Variants in PRDM6 observed in about 807,000 individuals in gnomAD.
PRDM6 encodes PR/SET domain 6, also known as putative histone-lysine N-methyltransferase PRDM6.
Under a neutral mutation model 60.8 loss-of-function variants are expected in PRDM6, and 25 were observed. That is an observed-to-expected ratio of 0.41 (90% CI 0.30 to 0.57). The LOEUF (loss-of-function observed/expected upper bound fraction) is 0.57. PRDM6 is among the 20% of genes least tolerant of loss of function. The pLI, the probability that PRDM6 is intolerant of heterozygous loss-of-function variation, is 0.27. For synonymous variants in PRDM6, 407 were observed against 357.4 expected (o/e 1.14, Z -1.57); for missense variants, 839 against 821.3 (o/e 1.02, Z -0.26).
chr5:123,092,418 C>T (rs528834890), intron 2 of PRDM6, among the ~76,000 whole-genome samples: 1 of 152,258 alleles, frequency 6.6e-6, no homozygotes, highest in African/African-American at 2.4e-5. Flanking sequence ...AAATCCCTGG[C>T]TGTGTGCTGA....
chr5:123,095,851 A>G (rs1043324653), intron 2 of PRDM6, among the ~76,000 whole-genome samples: 6 of 152,224 alleles, frequency 3.9e-5, no homozygotes, highest in African/African-American at 7.2e-5. Context: ...AGCGTTTTAT[A>G]TTTCACCTTT....
chr5:123,093,350 G>T (rs1343193359), intron 2 of PRDM6, among the ~76,000 whole-genome samples: 1 of 152,146 alleles, frequency 6.6e-6, no homozygotes, highest in Non-Finnish European at 1.5e-5. Flanking sequence ...TCATTGCTCT[G>T]TAAGAAAAGA....
At chr5:123,168,608 C>T (rs1391722612) in intron 5 of PRDM6, among the ~76,000 whole-genome samples, 1 of 152,108 alleles carries the variant, frequency 6.6e-6, no homozygotes, top group Non-Finnish European at 1.5e-5. Flanking sequence ...ATGCCCAGGC[C>T]CTATGGAGAG....
intron 3 of PRDM6, among the ~76,000 whole-genome samples, chr5:123,148,866 T>G (rs192542437): frequency 2.6e-5 from 4 of 152,290 alleles, no homozygotes; most frequent in Admixed American, 2.6e-4. Flanking sequence ...TAGGATGTGA[T>G]GAAAAAAGCA....
chr5:123,134,997 T>TAAAAAAA (rs113763871), intron 3 of PRDM6, among the ~76,000 whole-genome samples: 15 of 148,154 alleles, frequency 1.0e-4, no homozygotes, highest in Admixed American at 8.0e-4. Flanking sequence ...AAAGTATTCT[T>TAAAAAAA]AAAAAAAAAA....
chr5:123,099,953 C>T lies in PRDM6; in HGVS notation c.892C>T (p.Leu298Phe), dbSNP rs1194245675. 1 of 1,516,708 alleles carries T rather than the reference C, an allele frequency of 6.6e-7. No individual in the cohort carries two copies. Among genetic ancestry groups the T allele is most frequent in the Admixed American group, 2.0e-5 (1 of 49,006 alleles). The allele number at this position is 1,516,708 out of a possible 1,614,324, so 94.0% of individuals were successfully genotyped here. ...QAGAVRNTQH[L>F]WEIYDQDGTL... ...AGGCGCCGTGAGGAACACGCAGCAT[C>T]TCTGGGAGGTAAGTGGCCGGCTGCA... Residue 298 changes from leucine to phenylalanine, a missense_variant, in exon 3 of 8, where the codon CTC (leucine) becomes TTC (phenylalanine). Around this residue, in one of 2 missense-constraint regions of PRDM6, gnomAD observed 730 missense variants for 648.8 expected, o/e 1.13. Transcript: ENST00000407847. The surrounding 1 kb of genome is among the most constrained non-coding windows in gnomAD (Gnocchi z 4.0).
At chr5:123,177,233 C>T (rs893976795) in intron 6 of PRDM6, among the ~76,000 whole-genome samples, 3 of 152,110 alleles carry the variant, frequency 2.0e-5, no homozygotes, top group East Asian at 1.9e-4. Flanking sequence ...TTCTTTTATT[C>T]ATATTTTAAG....
chr5:123,128,246 T>C (rs1008292589), intron 3 of PRDM6, among the ~76,000 whole-genome samples: 1 of 152,238 alleles, frequency 6.6e-6, no homozygotes, highest in African/African-American at 2.4e-5. Flanking sequence ...CATGTGTCTT[T>C]ATAGTAGCAT....
intron 7 of PRDM6, among the ~76,000 whole-genome samples, chr5:123,183,572 C>T (rs999259255): frequency 6.6e-6 from 1 of 152,110 alleles, no homozygotes; most frequent in African/African-American, 2.4e-5. Flanking sequence ...AGGCCGTAGA[C>T]TTAGGATTTC....
At chr5:123,100,834 A>G (rs1764086694) in intron 3 of PRDM6, among the ~76,000 whole-genome samples, 1 of 152,244 alleles carries the variant, frequency 6.6e-6, no homozygotes, top group East Asian at 1.9e-4. Context: ...GATGCCTATC[A>G]TTAGGTCATC....
rs1763742450 is a variant in PRDM6 at position 123,089,278 on chromosome 5, G to A, written c.-257G>A. The A allele has an allele frequency of 6.5e-6, 1 of 152,858 alleles. No homozygotes were observed. The highest frequency in any genetic ancestry group is 2.4e-5 in the African/African-American group (1 of 41,428). 9.5% of individuals were successfully genotyped at this position (152,858 alleles called of 1,614,324 possible). ...AACCAAGGAGCCAGGACGCGGCAGCGGCCAAGCGCAGCAGCCCACGGCGGT... is the reference window on the plus strand; with the variant it reads ...AACCAAGGAGCCAGGACGCGGCAGCAGCCAAGCGCAGCAGCCCACGGCGGT... On this transcript the variant is annotated 5_prime_UTR_variant, in exon 1 of 8. Transcript: ENST00000407847.
intron 6 of PRDM6, among the ~76,000 whole-genome samples, chr5:123,176,245 C>A (rs924044961): frequency 8.1e-6 from 1 of 123,870 alleles, no homozygotes; most frequent in Non-Finnish European, 1.6e-5. Flanking sequence ...CGTCATTAGA[C>A]AACACTACTA....
chr5:123,161,954 G>A (rs1337721512), intron 5 of PRDM6, among the ~76,000 whole-genome samples: 1 of 152,220 alleles, frequency 6.6e-6, no homozygotes, highest in Non-Finnish European at 1.5e-5. Context: ...GTTTGGACTA[G>A]TATGGAAGTG....
At chr5:123,177,290 A>G (rs2126888300) in intron 6 of PRDM6, among the ~76,000 whole-genome samples, 1 of 152,336 alleles carries the variant, frequency 6.6e-6, no homozygotes, top group Non-Finnish European at 1.5e-5. Context: ...AATCTTGTCT[A>G]CTTACAGTGT....
At chr5:123,118,512 G>A (rs186552112) in intron 3 of PRDM6, among the ~76,000 whole-genome samples, 98 of 152,308 alleles carry the variant, frequency 6.4e-4, no homozygotes, top group Non-Finnish European at 1.1e-3. Context: ...GTAAAACTAG[G>A]TTTTGCAAGT....
chr5:123,091,298 G>A (rs143099271), intron 2 of PRDM6, among the ~76,000 whole-genome samples: 2 of 152,176 alleles, frequency 1.3e-5, no homozygotes, highest in Non-Finnish European at 2.9e-5. Context: ...GTTCTCCTCC[G>A]ATTCCGCTGA....
chr5:123,187,053 C>G, intron 7 of PRDM6, 34 bp from the exon 8 acceptor site: 1 of 1,495,082 alleles, frequency 6.7e-7, no homozygotes, highest in Non-Finnish European at 9.1e-7. Flanking sequence ...AGGCCCCGCT[C>G]CCTGGTCTCA....
chr5:123,111,937 A>G (rs148945278), intron 3 of PRDM6, among the ~76,000 whole-genome samples: 20 of 151,986 alleles, frequency 1.3e-4, no homozygotes, highest in African/African-American at 2.7e-4. Flanking sequence ...GACATTTCCA[A>G]TCTCCTCCCT....
chr5:123,162,994 C>A (rs567962141), intron 5 of PRDM6, among the ~76,000 whole-genome samples: 138 of 152,324 alleles, frequency 9.1e-4, no homozygotes, highest in Non-Finnish European at 1.3e-3. Flanking sequence ...TAATTTAAAT[C>A]ATCTCCACTG....
Sources: gnomAD v4.1 joint callset for allele counts (sites outside exome capture counted in the v4.1 genomes callset) on GRCh38, gnomAD v4.1.1 for gene constraint, gnomAD v4.1.1 regional missense constraint, Gnocchi (gnomAD v3.1) non-coding constraint, MANE v1.5 for transcripts, NCBI Gene and HGNC (gene_info 2026-07-23, HGNC 2026-07-21) for gene names.